The following USP34 variants were observed in gnomAD, a reference collection of about 807,000 sequenced individuals.
USP34 encodes the protein ubiquitin specific peptidase 34, also known as ubiquitin carboxyl-terminal hydrolase 34.
USP34 carries 70 observed loss-of-function variants against 460.3 expected under a neutral mutation model. That is an observed-to-expected ratio of 0.15 (90% CI 0.13 to 0.19). The LOEUF is 0.19. USP34 is among the 10% of genes least tolerant of loss of function. The pLI is 1.00. For missense variants in USP34, 3,985 were observed against 4,236.2 expected (o/e 0.94, Z 1.65); for synonymous variants, 1,647 against 1,405.3 (o/e 1.17, Z -3.85).
chr2:61,445,664 A>G (rs1340205081), intron 1 of USP34, among the ~76,000 whole-genome samples: 2 of 151,800 alleles, frequency 1.3e-5, no homozygotes, highest in African/African-American at 4.8e-5. Context: ...TAAAATAATA[A>G]TAATGTCTTA....
At chr2:61,313,788 T>C (rs1838978) in intron 25 of USP34, among the ~76,000 whole-genome samples, 51,830 of 151,860 alleles carry the variant, frequency 0.34, 9,110 homozygotes, top group Non-Finnish European at 0.39. Context: ...AGCATGTTAT[T>C]TATAAGGAAT....
At chr2:61,466,123 TAAC>T (rs1421156110) in intron 1 of USP34, among the ~76,000 whole-genome samples, 2 of 151,934 alleles carry the variant, frequency 1.3e-5, no homozygotes, top group East Asian at 2.0e-4. Context: ...TGACTACGGT[TAAC>T]AATAATATAT....
At chr2:61,374,797 G>A (rs768323040) in intron 8 of USP34, among the ~76,000 whole-genome samples, 10 of 152,116 alleles carry the variant, frequency 6.6e-5, no homozygotes, top group African/African-American at 1.2e-4. Context: ...TTGAACTCCT[G>A]ACCTCAGGTG....
At chr2:61,307,763 A>C (rs1446950638) in intron 27 of USP34, among the ~76,000 whole-genome samples, 2 of 152,100 alleles carry the variant, frequency 1.3e-5, no homozygotes, top group Admixed American at 6.6e-5. Flanking sequence ...AAGGGTCTGA[A>C]AAGGCCGGGC....
chr2:61,420,963 T>C (rs1264026342), intron 1 of USP34, 130 bp from the exon 2 acceptor site: 9 of 592,418 alleles, frequency 1.5e-5, no homozygotes, highest in Non-Finnish European at 2.7e-6. Context: ...CCAAAGAAAA[T>C]AAGTCTACTT....
chr2:61,398,457 G>C (rs1693605817), intron 3 of USP34, among the ~76,000 whole-genome samples: 1 of 140,968 alleles, frequency 7.1e-6, no homozygotes, highest in South Asian at 2.4e-4. Flanking sequence ...AGTGGGGGAA[G>C]GACGGAGAAG....
At chr2:61,373,025 A>C (rs966441089) in intron 8 of USP34, among the ~76,000 whole-genome samples, 1 of 152,204 alleles carries the variant, frequency 6.6e-6, no homozygotes, top group Non-Finnish European at 1.5e-5. Flanking sequence ...AACCAGAATA[A>C]GATTAATAGC....
At chr2:61,420,607 T>C (rs1694326855) in intron 2 of USP34, 139 bp downstream of exon 2, 1 of 475,818 alleles carries the variant, frequency 2.1e-6, no homozygotes, top group African/African-American at 2.0e-5. Context: ...GAGTAAAGAT[T>C]TAATAAATAT....
At position 61,470,833 on chromosome 2, in the gene USP34, A is replaced by C. The variant is rs1573080402; in HGVS notation, c.-141T>G. On this transcript the variant is annotated 5_prime_UTR_variant, in exon 1 of 80. Transcript: ENST00000398571. The stretch of plus-strand genomic sequence containing the variant: ...GCGACTAGGGCGGGCGGCGGCGGGG[A>C]CGGGGCGGGGAGCAAGAGAATGGGG... 7.7e-6 allele frequency: 2 copies of C among 259,274 alleles called. No homozygotes were observed. The highest frequency in any genetic ancestry group is 1.9e-4 in the East Asian group (1 of 5,370). 16.1% of individuals were successfully genotyped at this position (259,274 alleles called of 1,614,324 possible). A position where few individuals can be genotyped will look rare whatever the true frequency, so the allele number is the denominator to read the frequency against.
intron 1 of USP34, among the ~76,000 whole-genome samples, chr2:61,438,010 G>A (rs1694864346): frequency 1.3e-5 from 2 of 151,714 alleles, no homozygotes; most frequent in Admixed American, 6.6e-5. Flanking sequence ...TACAAGGCCA[G>A]TATAACCCTG....
At chr2:61,447,784 C>T (rs547153946) in intron 1 of USP34, among the ~76,000 whole-genome samples, 32 of 152,270 alleles carry the variant, frequency 2.1e-4, no homozygotes, top group Admixed American at 3.9e-4. Context: ...GGTGCAATCT[C>T]GGCTTGCTGC....
At chr2:61,359,710 C>T (rs901226924) in intron 10 of USP34, among the ~76,000 whole-genome samples, 6 of 150,580 alleles carry the variant, frequency 4.0e-5, no homozygotes, top group Admixed American at 2.0e-4. Flanking sequence ...ATGATAAAAA[C>T]GCTCAAAAGA....
At chr2:61,236,860 A>G (rs1001527668) in intron 53 of USP34, among the ~76,000 whole-genome samples, 2 of 152,220 alleles carry the variant, frequency 1.3e-5, no homozygotes, top group South Asian at 4.1e-4. Context: ...TTTTGTCTTC[A>G]TCTGTCTGAA....
chr2:61,452,905 C>CAAAAAA (rs57925421), intron 1 of USP34, among the ~76,000 whole-genome samples: 1 of 127,146 alleles, frequency 7.9e-6, no homozygotes, highest in Non-Finnish European at 1.7e-5. Context: ...ACCCCACAAC[C>CAAAAAA]AAAAAAAAAA....
chr2:61,406,702 TAA>T (rs35191538), intron 2 of USP34, among the ~76,000 whole-genome samples: 259 of 144,152 alleles, frequency 1.8e-3, no homozygotes, highest in South Asian at 2.6e-3. Flanking sequence ...TATGTGTATT[TAA>T]AAAAAAAAAA....
intron 5 of USP34, among the ~76,000 whole-genome samples, chr2:61,393,389 C>T (rs919314061): frequency 5.3e-5 from 8 of 149,708 alleles, no homozygotes; most frequent in Non-Finnish European, 7.4e-5. Flanking sequence ...CAAGATCATG[C>T]CACTGCACTC....
chr2:61,450,100 C>CA (rs35122864), intron 1 of USP34, among the ~76,000 whole-genome samples: 97,867 of 150,086 alleles, frequency 0.65, 31,929 homozygotes, highest in African/African-American at 0.72. Context: ...AAGTCTTAAA[C>CA]AAAAAAAAAG....
At chr2:61,451,442 C>G (rs541740163) in intron 1 of USP34, among the ~76,000 whole-genome samples, 1 of 150,632 alleles carries the variant, frequency 6.6e-6, no homozygotes, top group Non-Finnish European at 1.5e-5. Flanking sequence ...CCCAGCACTT[C>G]GGGAGGCCAA....
At chr2:61,282,527 C>G (rs934771458) in intron 37 of USP34, among the ~76,000 whole-genome samples, 3 of 152,040 alleles carry the variant, frequency 2.0e-5, no homozygotes, top group Admixed American at 6.6e-5. Context: ...GCGGCTCATG[C>G]CTATAATCCC....
Sources: allele counts gnomAD v4.1 joint callset (sites outside exome capture counted in the v4.1 genomes callset), GRCh38; gene constraint gnomAD v4.1.1; transcripts MANE v1.5; gene names NCBI Gene and HGNC (gene_info 2026-07-23, HGNC 2026-07-21).